GATA4: variants seen among roughly 807,000 people sequenced by gnomAD.
GATA4 encodes the protein transcription factor GATA-4.
GATA4 carries 7 observed loss-of-function variants against 37.9 expected under a neutral mutation model. The ratio of observed to expected loss-of-function variants is 0.18; its 90% CI spans 0.11 to 0.35. The LOEUF (loss-of-function observed/expected upper bound fraction) is 0.35, where lower values mean the gene tolerates loss of function less well. Among genes scored for constraint, GATA4 ranks in the 10% least tolerant of loss-of-function variants. The probability of loss-of-function intolerance (pLI) is 1.00; values close to 1 mark genes in which losing one functional copy is unlikely to be tolerated. For missense variants in GATA4, 647 were observed against 653.0 expected, an observed-to-expected ratio of 0.99 and a Z score of 0.10; for synonymous variants, 372 against 292.6, an observed-to-expected ratio of 1.27 and a Z score of -2.77.
At chr8:11,687,830 G>A (rs1799188508), upstream of GATA4, among the ~76,000 whole-genome samples, 1 of 152,100 alleles carries the variant, frequency 6.6e-6, no homozygotes, top group South Asian at 2.1e-4. Context: ...AAATTACACA[G>A]CTACAAGGCT....
At position 11,758,942 on chromosome 8, in the gene GATA4, T is replaced by G. The variant is rs1276596477; in HGVS notation, c.*467T>G. The stretch of plus-strand genomic sequence containing the variant: ...ACAGGCCCTTGCCCCATCCATCCGC[T>G]TGAGGCATGGCACCGCCCTGCATCC... On this transcript the variant is annotated 3_prime_UTR_variant, in exon 7 of 7. Transcript: ENST00000532059. The G allele has an allele frequency of 3.8e-6, 1 of 264,978 alleles. No homozygotes were observed. The highest frequency in any genetic ancestry group is 7.4e-6 in the Non-Finnish European group (1 of 134,718). 16.4% of individuals were successfully genotyped at this position (264,978 alleles called of 1,614,324 possible).
At chr8:11,683,258 C>A in intron 1 of GATA4, 1 of 482,380 alleles carries the variant, frequency 2.1e-6, no homozygotes, top group Non-Finnish European at 2.7e-6. Context: ...GCGTGCTCCA[C>A]CTGGCCCTGG....
At chr8:11,677,973 C>T (rs1032121639) in intron 1 of GATA4, among the ~76,000 whole-genome samples, 1 of 150,884 alleles carries the variant, frequency 6.6e-6, no homozygotes, top group African/African-American at 2.4e-5. Flanking sequence ...GGCAAATGAG[C>T]CTTAAATCTG....
In GATA4 at chr8:11,708,612, C is replaced by A. The variant is rs1585595889; in HGVS notation, c.300C>A (p.Thr100=). 2 of 1,346,428 alleles carry A rather than the reference C, an allele frequency of 1.5e-6. No individual in the cohort carries two copies. The highest frequency in any genetic ancestry group is 6.3e-5 in the East Asian group (2 of 31,902). 83.4% of individuals were successfully genotyped at this position (1,346,428 alleles called of 1,614,324 possible). The change falls in exon 2 of 7, where the codon ACC becomes ACA. Residue 100 remains threonine (T), a synonymous_variant. Coordinates refer to ENST00000532059, the MANE Select transcript of GATA4 (RefSeq NM_001308093.3). This position sits in a 1 kb window ranked among gnomAD's most constrained non-coding sequence, Gnocchi z 6.7. ...SQAGADGAAY[T]PPPVSPRFSF... is the part of the protein sequence containing the mutation. ...CGGGAGCCGACGGAGCCGCTTACAC[C>A]CCGCCGCCGGTGTCGCCGCGCTTCT... is the stretch of plus-strand genomic sequence containing the variant.
At chr8:11,725,359 C>T (rs1800867384) in intron 2 of GATA4, among the ~76,000 whole-genome samples, 1 of 152,236 alleles carries the variant, frequency 6.6e-6, no homozygotes. Context: ...AAGACTGTCT[C>T]ACCCCCAGTC....
intron 2 of GATA4, among the ~76,000 whole-genome samples, chr8:11,742,024 G>A (rs112148381): frequency 9.9e-4 from 151 of 152,286 alleles, no homozygotes; most frequent in African/African-American, 3.5e-3. Context: ...GTGGCCCTGG[G>A]CAGGATCTGT....
intron 2 of GATA4, among the ~76,000 whole-genome samples, chr8:11,713,647 A>G (rs1349911604): frequency 6.6e-6 from 1 of 152,140 alleles, no homozygotes; most frequent in Non-Finnish European, 1.5e-5. Flanking sequence ...CAAAAAAAAA[A>G]AAGAAAAAAA....
Position 11,758,405 on chromosome 8 carries a change from C to A in GATA4, c.1262C>A (p.Thr421Asn), listed in dbSNP as rs114839964. The A allele has an allele frequency of 3.1e-6, 5 of 1,614,250 alleles. No individual in the cohort carries two copies. In the East Asian group the frequency reaches 6.7e-5, roughly 22 times the overall value. The change falls in exon 7 of 7, where the codon ACC becomes AAC. Residue 421 changes from threonine to asparagine, a missense_variant. By Grantham distance (65) the Thr-to-Asn change is moderately conservative. This residue lies in a region of GATA4 where 184 missense variants were observed against 157.1 expected (regional missense o/e 1.17). Transcript: ENST00000532059. The part of the protein sequence containing the change: ...YASPVSQSPQ[T>N]SSKQDSWNSL... ...TCTCCCGTCAGCCAGTCTCCACAGA[C>A]CAGCTCCAAGCAGGACTCTTGGAAC...
Position 11,749,211 on chromosome 8 carries a change from C to G in GATA4, c.786+126C>G. The G allele has an allele frequency of 1.1e-6, 1 of 908,452 alleles. No homozygotes were observed. Among genetic ancestry groups the G allele is most frequent in the Non-Finnish European group, 1.7e-6 (1 of 581,560 alleles). The allele number at this position is 908,452 out of a possible 1,614,324, so 56.3% of individuals were successfully genotyped here. The stretch of plus-strand genomic sequence containing the variant: ...ATCGGGGATTACGTGGGTGAGAGCC[C>G]CATAATAATTCTCACAACTTTAGAG... On this transcript the variant is annotated intron_variant, in intron 3 of 6. Coordinates refer to ENST00000532059, the MANE Select transcript of GATA4 (RefSeq NM_001308093.3). This position sits in a 1 kb window ranked among gnomAD's most constrained non-coding sequence, Gnocchi z 4.6.
chr8:11,724,830 A>G (rs2130167133), intron 2 of GATA4, among the ~76,000 whole-genome samples: 1 of 152,366 alleles, frequency 6.6e-6, no homozygotes, highest in Non-Finnish European at 1.5e-5. Flanking sequence ...GGGTGATGAC[A>G]GAGGACATGG....
upstream of GATA4, among the ~76,000 whole-genome samples, chr8:11,703,418 A>T (rs947634905): frequency 5.9e-5 from 9 of 151,814 alleles, no homozygotes; most frequent in Non-Finnish European, 1.0e-4. Flanking sequence ...CATACCCTGG[A>T]AGAGCCCCCT....
intron 2 of GATA4, among the ~76,000 whole-genome samples, chr8:11,730,346 C>T (rs1801145161): frequency 6.6e-6 from 1 of 152,200 alleles, no homozygotes; most frequent in Non-Finnish European, 1.5e-5. Context: ...GATGAGTGAA[C>T]TGAAACCAGA....
Position 11,709,745 on chromosome 8 carries a change from A to G in GATA4, c.616+817A>G, listed in dbSNP as rs1800087189. 6.6e-6 allele frequency among the ~76,000 whole-genome samples: 1 copy of G among 152,188 alleles called. No homozygotes were observed. Among genetic ancestry groups the G allele is most frequent in the South Asian group, 2.1e-4 (1 of 4,832 alleles). ...ATAACCGTTGTGGTAGGTTCCATGC[A>G]GTGTTTCCATCGGATGTCAGACGGG... is the stretch of plus-strand genomic sequence containing the variant. On this transcript the variant is annotated intron_variant, in intron 2 of 6. Coordinates refer to ENST00000532059, the MANE Select transcript of GATA4 (RefSeq NM_001308093.3). The surrounding 1 kb of genome is among the most constrained non-coding windows in gnomAD (Gnocchi z 4.3).
At position 11,755,027 on chromosome 8, in the gene GATA4, T is replaced by A. The variant is rs761957427; in HGVS notation, c.913-19T>A. ...ACGCAGAAATGGAAAACCCTATATA[T>A]TTACTTGTGACCCTCCAGGTCCCCA... On this transcript the variant is annotated intron_variant, in intron 4 of 6. Coordinates refer to ENST00000532059, the MANE Select transcript of GATA4 (RefSeq NM_001308093.3). 1.9e-6 allele frequency: 3 copies of A among 1,602,146 alleles called. No individual in the cohort carries two copies. The Admixed American group carries it at 5.0e-5, about 27-fold the overall frequency.
chr8:11,689,598 C>T (rs1017855421), upstream of GATA4, among the ~76,000 whole-genome samples: 5 of 152,194 alleles, frequency 3.3e-5, no homozygotes, highest in Non-Finnish European at 7.3e-5. Context: ...CCCATTTTGG[C>T]TTGGTTTATC....
In GATA4 at chr8:11,758,543, C is replaced by G; in HGVS notation, c.*68C>G. 1.3e-6 allele frequency: 2 copies of G among 1,532,272 alleles called. No individual in the cohort carries two copies. The highest frequency in any genetic ancestry group is 9.0e-7 in the Non-Finnish European group (1 of 1,106,018). 94.9% of individuals were successfully genotyped at this position (1,532,272 alleles called of 1,614,324 possible). ...TTGGAGGATAGCAAAGAAGGAGGCC[C>G]TGGGCTCCCAGGGGCCGGCCTCCTC... On this transcript the variant is annotated 3_prime_UTR_variant, in exon 7 of 7. Coordinates refer to ENST00000532059, the MANE Select transcript of GATA4 (RefSeq NM_001308093.3).
upstream of GATA4, among the ~76,000 whole-genome samples, chr8:11,689,275 C>T (rs1799238944): frequency 6.6e-6 from 1 of 152,172 alleles, no homozygotes; most frequent in Non-Finnish European, 1.5e-5. Context: ...ACTCAAAATC[C>T]TTTACTTGGG....
At chr8:11,724,653 T>C (rs1800830533) in intron 2 of GATA4, among the ~76,000 whole-genome samples, 1 of 152,240 alleles carries the variant, frequency 6.6e-6, no homozygotes, top group African/African-American at 2.4e-5. Flanking sequence ...CCTCATCACC[T>C]TCGTGAGCTG....
At chr8:11,744,831 C>G (rs1340724805) in intron 2 of GATA4, among the ~76,000 whole-genome samples, 1 of 152,166 alleles carries the variant, frequency 6.6e-6, no homozygotes, top group African/African-American at 2.4e-5. Context: ...ACCCTTCTAT[C>G]GCAATGGGAC....
Sources: gnomAD v4.1 joint callset for allele counts (sites outside exome capture counted in the v4.1 genomes callset) on GRCh38, gnomAD v4.1.1 for gene constraint, gnomAD v4.1.1 regional missense constraint, Gnocchi (gnomAD v3.1) non-coding constraint, MANE v1.5 for transcripts, NCBI Gene and HGNC (gene_info 2026-07-23, HGNC 2026-07-21) for gene names.